Variants in ARMC2 observed in about 807,000 individuals in gnomAD.
ARMC2 encodes the protein armadillo repeat containing 2, also known as armadillo repeat-containing protein 2.
Under a neutral mutation model 90.3 loss-of-function variants are expected in ARMC2, and 67 were observed. The observed-to-expected ratio is 0.74, with a 90% CI of 0.61 to 0.91. The LOEUF is 0.91. Ranked by LOEUF, ARMC2 falls within the 40% of genes least tolerant of loss-of-function variation. The probability of loss-of-function intolerance (pLI) is 0.00; values close to 1 mark genes in which losing one functional copy is unlikely to be tolerated. For missense variants in ARMC2, 920 were observed against 1,030.9 expected (o/e 0.89, Z 1.47); for synonymous variants, 393 against 393.0 (o/e 1.00, Z 0.00).
chr6:108,943,514 G>A (rs1217911906), intron 12 of ARMC2, among the ~76,000 whole-genome samples: 3 of 152,132 alleles, frequency 2.0e-5, no homozygotes, highest in Non-Finnish European at 4.4e-5. Flanking sequence ...AGATTTGCCT[G>A]GGGAGCTTTA....
the ARMC2 span, among the ~76,000 whole-genome samples, chr6:109,046,143 A>G: frequency 6.6e-6 from 1 of 151,932 alleles, no homozygotes; most frequent in Non-Finnish European, 1.5e-5. Flanking sequence ...TCTCATGCGG[A>G]GCCGAAGCTG....
chr6:108,968,703 A>G (rs1019060610), intron 17 of ARMC2, among the ~76,000 whole-genome samples: 2 of 152,136 alleles, frequency 1.3e-5, no homozygotes, highest in African/African-American at 4.8e-5. Context: ...ACAAACAAAC[A>G]AAAACAGGCC....
At chr6:108,986,799 A>G in the ARMC2 span, 2 of 152,244 alleles carry the variant, frequency 1.3e-5, no homozygotes, top group African/African-American at 4.8e-5. Context: ...CCTGTGAAAC[A>G]GCATATCAAA....
the ARMC2 span, among the ~76,000 whole-genome samples, chr6:109,014,621 T>TTTTG: frequency 1.3e-5 from 2 of 152,174 alleles, no homozygotes; most frequent in Non-Finnish European, 1.5e-5. Flanking sequence ...GGGTGAGTTT[T>TTTTG]TTTGTTTGTT....
the ARMC2 span, among the ~76,000 whole-genome samples, chr6:109,007,831 A>G: frequency 2.0e-5 from 3 of 151,244 alleles, no homozygotes; most frequent in Non-Finnish European, 4.4e-5. Flanking sequence ...TATTTTAGAA[A>G]AAAAACTTAC....
chr6:108,851,590 T>G (rs1774017035), intron 1 of ARMC2, among the ~76,000 whole-genome samples: 1 of 152,078 alleles, frequency 6.6e-6, no homozygotes, highest in African/African-American at 2.4e-5. Context: ...TGGGTAAGAG[T>G]TTGAATATTA....
intron 17 of ARMC2, among the ~76,000 whole-genome samples, chr6:108,967,389 C>CG (rs755141018): frequency 6.6e-6 from 1 of 152,150 alleles, no homozygotes; most frequent in East Asian, 1.9e-4. Flanking sequence ...GCTGCGGGGC[C>CG]GGGGCCGTGT....
At chr6:108,963,786 G>T (rs1296689567) in intron 15 of ARMC2, among the ~76,000 whole-genome samples, 3 of 152,212 alleles carry the variant, frequency 2.0e-5, no homozygotes, top group Non-Finnish European at 2.9e-5. Flanking sequence ...CCCACCAGGA[G>T]CCAACTCCCC....
intron 17 of ARMC2, among the ~76,000 whole-genome samples, chr6:108,967,047 C>A (rs1778421252): frequency 6.6e-6 from 1 of 152,194 alleles, no homozygotes; most frequent in South Asian, 2.1e-4. Context: ...ATGAGCTCCG[C>A]CCCCTGGGCT....
At chr6:108,903,162 C>T (rs1171112291) in intron 7 of ARMC2, among the ~76,000 whole-genome samples, 3 of 151,984 alleles carry the variant, frequency 2.0e-5, no homozygotes, top group Non-Finnish European at 2.9e-5. Flanking sequence ...AGTGAGACTC[C>T]ATCTCAAAAA....
the ARMC2 span, among the ~76,000 whole-genome samples, chr6:109,026,314 G>GA: frequency 1.3e-5 from 2 of 152,090 alleles, no homozygotes; most frequent in African/African-American, 4.8e-5. Context: ...AAGGAAGTGT[G>GA]AAAAAGACCA....
Position 108,881,796 on chromosome 6 carries a change from T to C in ARMC2, c.671+5446T>C, listed in dbSNP as rs114533343. Among the ~76,000 whole-genome samples, 639 of 152,232 alleles carry C rather than the reference T, an allele frequency of 4.2e-3. 3 individuals carry two copies. The highest frequency in any genetic ancestry group is 0.014 in the African/African-American group (594 of 41,538). On this transcript the variant is annotated intron_variant, in intron 5 of 17. Coordinates refer to ENST00000392644, the MANE Select transcript of ARMC2 (RefSeq NM_032131.6). Reference sequence around the variant, plus strand: ...TTTTGTGTGCATCACAGCGACCTGCTCCACACAAACCAAGGGAACATATAC... The same window carrying C: ...TTTTGTGTGCATCACAGCGACCTGCCCCACACAAACCAAGGGAACATATAC...
the ARMC2 span, among the ~76,000 whole-genome samples, chr6:109,017,520 C>T: frequency 7.9e-5 from 12 of 152,128 alleles, no homozygotes; most frequent in Admixed American, 4.6e-4. Context: ...CTCCTCACCT[C>T]GTGATCCGCC....
At chr6:108,969,312 C>G (rs550561974) in intron 17 of ARMC2, among the ~76,000 whole-genome samples, 6 of 152,160 alleles carry the variant, frequency 3.9e-5, no homozygotes, top group Admixed American at 1.3e-4. Context: ...GAACAGCTAG[C>G]TAGGAAATAG....
the ARMC2 span, among the ~76,000 whole-genome samples, chr6:109,004,839 A>G: frequency 6.6e-6 from 1 of 152,228 alleles, no homozygotes; most frequent in African/African-American, 2.4e-5. Flanking sequence ...ATGCTGAGAT[A>G]CTGTCTTCCT....
chr6:109,001,416 A>G, the ARMC2 span: 1 of 1,613,896 alleles, frequency 6.2e-7, no homozygotes. Context: ...ATGTTATCCA[A>G]ACGGCCCAAA....
chr6:109,005,307 A>C, the ARMC2 span, among the ~76,000 whole-genome samples: 1 of 152,278 alleles, frequency 6.6e-6, no homozygotes, highest in Middle Eastern at 3.4e-3. Flanking sequence ...AATAATGGGG[A>C]AGGGGAGGAG....
At chr6:109,009,644 C>T in the ARMC2 span, 3 of 801,340 alleles carry the variant, frequency 3.7e-6, no homozygotes, top group Non-Finnish European at 4.6e-6. Flanking sequence ...CAAGCCAATG[C>T]GGGCTCGCGT....
chr6:108,970,145 A>T (rs773148428), intron 17 of ARMC2, among the ~76,000 whole-genome samples: 4 of 152,194 alleles, frequency 2.6e-5, no homozygotes, highest in Admixed American at 6.5e-5. Context: ...GGCACTTTTA[A>T]TGTATGTTGC....
Sources: allele counts gnomAD v4.1 joint callset (sites outside exome capture counted in the v4.1 genomes callset), GRCh38; gene constraint gnomAD v4.1.1; transcripts MANE v1.5; gene names NCBI Gene and HGNC (gene_info 2026-07-23, HGNC 2026-07-21).